RBFOX1: variants seen among roughly 807,000 people sequenced by gnomAD.
The protein encoded by RBFOX1 is RNA binding fox-1 homolog 1, also known as RNA binding protein fox-1 homolog 1.
A neutral mutation model predicts 57.7 loss-of-function variants in RBFOX1; 8 were observed. The ratio of observed to expected loss-of-function variants is 0.14; its 90% CI spans 0.08 to 0.25. The LOEUF (loss-of-function observed/expected upper bound fraction) is 0.25. Ranked by LOEUF, RBFOX1 falls within the 10% of genes least tolerant of loss-of-function variation. RBFOX1 has a pLI of 1.00. For missense variants in RBFOX1, 611 were observed against 548.5 expected (o/e 1.11, Z -1.14); for synonymous variants, 326 against 222.4 (o/e 1.47, Z -4.15).
chr16:5,570,736 A>C (rs1302006115), intron 2 of RBFOX1, among the ~76,000 whole-genome samples: 2 of 151,500 alleles, frequency 1.3e-5, no homozygotes, highest in African/African-American at 4.9e-5. Context: ...GTTACTCGGG[A>C]GGCTGAGGCA....
intron 4 of RBFOX1, among the ~76,000 whole-genome samples, chr16:7,508,473 T>C (rs986109624): frequency 6.6e-6 from 1 of 152,136 alleles, no homozygotes; most frequent in Admixed American, 6.5e-5. Flanking sequence ...AGCTGGAGTC[T>C]TGTGAGACAG....
intron 3 of RBFOX1, among the ~76,000 whole-genome samples, chr16:6,934,728 G>C (rs544245969): frequency 2.7e-4 from 41 of 152,190 alleles, no homozygotes; most frequent in African/African-American, 7.9e-4. Flanking sequence ...AAAAAGCTGT[G>C]AGGCCCTTTG....
chr16:5,356,362 A>G (rs191917092), intron 1 of RBFOX1, among the ~76,000 whole-genome samples: 90 of 152,306 alleles, frequency 5.9e-4, no homozygotes, highest in African/African-American at 1.6e-3. Flanking sequence ...CATTTGTGGT[A>G]ACTAGTAATG....
At chr16:5,869,477 C>G (rs1352621252) in intron 4 of RBFOX1, among the ~76,000 whole-genome samples, 1 of 152,192 alleles carries the variant, frequency 6.6e-6, no homozygotes, top group African/African-American at 2.4e-5. Flanking sequence ...TCTCGGCTCA[C>G]TGCAACCTCC....
intron 4 of RBFOX1, among the ~76,000 whole-genome samples, chr16:7,265,744 TG>T (rs553964050): frequency 4.7e-4 from 72 of 152,124 alleles, no homozygotes; most frequent in African/African-American, 1.6e-3. Context: ...CCACCATGCC[TG>T]GCCAGGTGTC....
chr16:5,779,053 C>T (rs886533359), intron 3 of RBFOX1, among the ~76,000 whole-genome samples: 1 of 152,166 alleles, frequency 6.6e-6, no homozygotes, highest in Non-Finnish European at 1.5e-5. Flanking sequence ...CTAGAAAAAT[C>T]TAGCCTCCAA....
At chr16:5,310,709 C>G (rs1270548088) in intron 1 of RBFOX1, among the ~76,000 whole-genome samples, 2 of 152,140 alleles carry the variant, frequency 1.3e-5, no homozygotes, top group Non-Finnish European at 2.9e-5. Flanking sequence ...TCTTGCTAGA[C>G]CTGAGAAATT....
At chr16:7,444,053 A>C (rs576929921) in intron 4 of RBFOX1, among the ~76,000 whole-genome samples, 1 of 152,234 alleles carries the variant, frequency 6.6e-6, no homozygotes, top group Non-Finnish European at 1.5e-5. Flanking sequence ...TAGAGGTGCT[A>C]ATATACATGG....
At chr16:6,472,566 T>A (rs1384163020) in intron 2 of RBFOX1, among the ~76,000 whole-genome samples, 1 of 152,130 alleles carries the variant, frequency 6.6e-6, no homozygotes, top group South Asian at 2.1e-4. Context: ...TCATCATCTC[T>A]CTGATGACAT....
intron 3 of RBFOX1, among the ~76,000 whole-genome samples, chr16:6,846,765 G>C (rs1204264860): frequency 6.6e-6 from 1 of 152,152 alleles, no homozygotes; most frequent in Non-Finnish European, 1.5e-5. Context: ...ATTTGTCTTT[G>C]ATAGGAGATG....
intron 1 of RBFOX1, among the ~76,000 whole-genome samples, chr16:5,308,241 C>G (rs1056379721): frequency 1.3e-5 from 2 of 151,710 alleles, no homozygotes; most frequent in African/African-American, 4.8e-5. Context: ...CTCAGGAGAT[C>G]GCTTGAACCT....
intron 2 of RBFOX1, among the ~76,000 whole-genome samples, chr16:6,642,863 T>A (rs1420134448): frequency 6.6e-6 from 1 of 152,158 alleles, no homozygotes; most frequent in Non-Finnish European, 1.5e-5. Flanking sequence ...CCCTGCAACC[T>A]ACCCAACTAA....
At chr16:6,437,451 A>G (rs1343630433) in intron 2 of RBFOX1, among the ~76,000 whole-genome samples, 1 of 152,162 alleles carries the variant, frequency 6.6e-6, no homozygotes, top group Non-Finnish European at 1.5e-5. Flanking sequence ...TGTCTTCAGC[A>G]CCTAATTTGA....
At chr16:7,460,507 T>C (rs1402210648) in intron 4 of RBFOX1, among the ~76,000 whole-genome samples, 1 of 146,424 alleles carries the variant, frequency 6.8e-6, no homozygotes, top group Non-Finnish European at 1.5e-5. Flanking sequence ...AATATATACA[T>C]ATATATATCT....
At chr16:5,882,676 C>T (rs746105203) in intron 4 of RBFOX1, among the ~76,000 whole-genome samples, 1 of 152,162 alleles carries the variant, frequency 6.6e-6, no homozygotes. Flanking sequence ...TCCAGAGCTC[C>T]CCATGGTGCC....
intron 2 of RBFOX1, among the ~76,000 whole-genome samples, chr16:6,550,452 A>G (rs1184142084): frequency 6.6e-6 from 1 of 152,126 alleles, no homozygotes; most frequent in Non-Finnish European, 1.5e-5. Context: ...AGGCCTCCCA[A>G]AGTGCTGGGA....
In RBFOX1 at chr16:6,725,035, TGGCTAGC is replaced by T. The variant is rs1255531724; in HGVS notation, c.-16+70386_-16+70392del. On this transcript the variant is annotated intron_variant, in intron 3 of 15. Coordinates refer to ENST00000550418, the MANE Select transcript of RBFOX1 (RefSeq NM_018723.4). ...GTCACTTTTGTTGCCCTCTTGGTTT[TGGCTAGC>T]TTTTTTTTTTTTTTTCTTTTTTTTT... Among the ~76,000 whole-genome samples, 6 of 147,356 alleles carry T rather than the reference TGGCTAGC, an allele frequency of 4.1e-5. No homozygotes were observed. The East Asian group carries it at 1.3e-3, about 31-fold the overall frequency.
At chr16:5,557,410 T>C (rs59483243) in intron 2 of RBFOX1, among the ~76,000 whole-genome samples, 1 of 151,702 alleles carries the variant, frequency 6.6e-6, no homozygotes. Context: ...TGGGTCCCCA[T>C]ATGAAGCTTA....
intron 2 of RBFOX1, among the ~76,000 whole-genome samples, chr16:6,362,367 CCTG>C (rs2088726958): frequency 6.6e-6 from 1 of 152,028 alleles, no homozygotes; most frequent in Admixed American, 6.6e-5. Context: ...GATACTTAGA[CCTG>C]CTTCCCAAAT....
Sources: gnomAD v4.1 joint callset for allele counts (sites outside exome capture counted in the v4.1 genomes callset) on GRCh38, gnomAD v4.1.1 for gene constraint, MANE v1.5 for transcripts, NCBI Gene and HGNC (gene_info 2026-07-23, HGNC 2026-07-21) for gene names.